Variants in USP30 observed in about 807,000 individuals in gnomAD.
The protein encoded by USP30 is ubiquitin carboxyl-terminal hydrolase 30.
USP30 carries 41 observed loss-of-function variants against 68.2 expected under a neutral mutation model. The ratio of observed to expected loss-of-function variants is 0.60; its 90% CI spans 0.47 to 0.78. USP30 has a LOEUF of 0.78. Among genes scored for constraint, USP30 ranks in the 30% least tolerant of loss-of-function variants. USP30 has a pLI of 0.00. For synonymous variants in USP30, 229 were observed against 253.7 expected (o/e 0.90, Z 0.93); for missense variants, 522 against 649.4 (o/e 0.80, Z 2.13).
intron 2 of USP30, among the ~76,000 whole-genome samples, chr12:109,026,697 C>T (rs1325962114): frequency 1.3e-5 from 2 of 151,528 alleles, no homozygotes; most frequent in African/African-American, 4.9e-5. Context: ...CAAACTCCTG[C>T]ATTCAAGCCA....
In USP30 at chr12:109,044,988, C is replaced by CT. The variant is rs34418635; in HGVS notation, c.-135-2579dup. Among the ~76,000 whole-genome samples the CT allele has an allele frequency of 9.3e-3, 936 of 100,190 alleles. 14 individuals carry two copies. Among genetic ancestry groups the CT allele is most frequent in the African/African-American group, 0.012 (339 of 27,840 alleles). 65.7% of individuals were successfully genotyped at this position (100,190 alleles called of 152,430 possible). A position where few individuals can be genotyped will look rare whatever the true frequency, so the allele number is the denominator to read the frequency against. On this transcript the variant is annotated intron_variant, in intron 3 of 15. Coordinates refer to the USP30 transcript ENST00000392784. ...TTCATTACCAAGTAAGGTCAAACAT[C>CT]TTTTTTTTTTTTTTTTTTTTTTTCT...
intron 9 of USP30, 112 bp downstream of exon 9, chr12:109,082,131 C>G: frequency 1.2e-5 from 13 of 1,090,546 alleles, no homozygotes; most frequent in Non-Finnish European, 1.8e-5. Context: ...GTCTTTTCAG[C>G]CACTTCTACT....
At chr12:109,064,129 C>T (rs937527941) in intron 3 of USP30, among the ~76,000 whole-genome samples, 1 of 151,874 alleles carries the variant, frequency 6.6e-6, no homozygotes, top group Non-Finnish European at 1.5e-5. Context: ...GTGTCAGGCC[C>T]CCAAAGTGCT....
At chr12:109,065,328 C>T (rs2041214077) in intron 3 of USP30, among the ~76,000 whole-genome samples, 1 of 152,194 alleles carries the variant, frequency 6.6e-6, no homozygotes, top group Non-Finnish European at 1.5e-5. Flanking sequence ...CCAAATCCAG[C>T]CCACCACCTG....
intron 3 of USP30, among the ~76,000 whole-genome samples, chr12:109,066,533 A>C (rs933322123): frequency 6.6e-5 from 10 of 151,970 alleles, no homozygotes; most frequent in Non-Finnish European, 1.5e-4. Flanking sequence ...AAAATACAAA[A>C]ATTAGTCGGG....
At chr12:109,030,330 A>G (rs565432299) in intron 3 of USP30, among the ~76,000 whole-genome samples, 201 of 152,310 alleles carry the variant, frequency 1.3e-3, no homozygotes, top group African/African-American at 4.5e-3. Context: ...AAACAAGATG[A>G]TGGATATTCA....
At chr12:109,079,351 C>T (rs199642467) in intron 7 of USP30, among the ~76,000 whole-genome samples, 15,373 of 48,004 alleles carry the variant, frequency 0.32, 603 homozygotes, top group Non-Finnish European at 0.34. Context: ...TTTTTTTTTT[C>T]TTTTTTTTTT....
intron 3 of USP30, among the ~76,000 whole-genome samples, chr12:109,045,188 A>G (rs2040594497): frequency 1.3e-5 from 2 of 152,258 alleles, no homozygotes; most frequent in African/African-American, 4.8e-5. Context: ...CATGTTGGCC[A>G]GGCTGGTCTT....
chr12:109,083,733 G>C (rs2041870504), intron 11 of USP30, among the ~76,000 whole-genome samples: 1 of 152,046 alleles, frequency 6.6e-6, no homozygotes, highest in African/African-American at 2.4e-5. Context: ...TCACTTGAAG[G>C]GCTCACAGCC....
chr12:109,049,658 C>T (rs75505358), upstream of USP30, among the ~76,000 whole-genome samples: 702 of 151,808 alleles, frequency 4.6e-3, 3 homozygotes, highest in African/African-American at 0.016. Context: ...CTACTAAAAA[C>T]GCTAAAATTA....
chr12:109,050,772 C>A (rs990369884), upstream of USP30, among the ~76,000 whole-genome samples: 3 of 151,788 alleles, frequency 2.0e-5, no homozygotes, highest in African/African-American at 7.3e-5. Flanking sequence ...ACTTTGGGAG[C>A]CCGAGGCGGA....
chr12:109,077,731 C>T (rs901275441), intron 7 of USP30, among the ~76,000 whole-genome samples: 1 of 151,894 alleles, frequency 6.6e-6, no homozygotes, highest in Non-Finnish European at 1.5e-5. Flanking sequence ...TCTGTTCCCC[C>T]TTCACTGGCT....
intron 1 of USP30, among the ~76,000 whole-genome samples, chr12:109,023,402 A>T (rs1358111826): frequency 3.3e-5 from 5 of 151,978 alleles, no homozygotes; most frequent in Non-Finnish European, 5.9e-5. Context: ...GAAAATAAAA[A>T]AACTTAGCCA....
chr12:109,063,773 T>C lies in USP30; in HGVS notation c.377-3751T>C, dbSNP rs11067924. Among the ~76,000 whole-genome samples, 588 of 152,352 alleles carry C rather than the reference T, an allele frequency of 3.9e-3. 2 individuals carry two copies. Among genetic ancestry groups the C allele is most frequent in the Non-Finnish European group, 6.2e-3 (421 of 68,038 alleles). Reference sequence around the variant, plus strand: ...ATTGCTTTAATTTGCATTTCCCTAATGATAAGTTATATTGAGCATCTTTTC... The same window carrying C: ...ATTGCTTTAATTTGCATTTCCCTAACGATAAGTTATATTGAGCATCTTTTC... On this transcript the variant is annotated intron_variant, in intron 3 of 12. Coordinates refer to ENST00000257548, the MANE Select transcript of USP30 (RefSeq NM_032663.5).
chr12:109,058,292 C>T (rs1264754823), intron 3 of USP30, among the ~76,000 whole-genome samples, 184 bp downstream of exon 3: 4 of 152,002 alleles, frequency 2.6e-5, no homozygotes, highest in South Asian at 2.1e-4. Flanking sequence ...AGATGGAGGC[C>T]GGGTGCAGTG....
chr12:109,049,759 T>C (rs867766810), upstream of USP30, among the ~76,000 whole-genome samples: 52 of 151,910 alleles, frequency 3.4e-4, no homozygotes, highest in Middle Eastern at 0.01. Context: ...GAGGTTGCAG[T>C]GAGCCAAGAT....
In USP30 at chr12:109,055,406, T is replaced by A. The variant is rs1458885457; in HGVS notation, c.84-1276T>A. The stretch of plus-strand genomic sequence containing the variant: ...TATATATATATATATATATATTTTT[T>A]TTTTTTTTTTTTTTGAGGCAGAGTC... On this transcript the variant is annotated intron_variant, in intron 1 of 12. Coordinates refer to ENST00000257548, the MANE Select transcript of USP30 (RefSeq NM_032663.5). 3.7e-3 allele frequency among the ~76,000 whole-genome samples: 131 copies of A among 35,002 alleles called. 3 individuals carry two copies. The highest frequency in any genetic ancestry group is 9.6e-3 in the South Asian group (8 of 834). The allele number at this position is 35,002 out of a possible 152,430, so 23.0% of individuals were successfully genotyped here.
In USP30 at chr12:109,057,984, A is replaced by G; in HGVS notation, c.252A>G (p.Gln84=). The G allele has an allele frequency of 1.2e-6, 2 of 1,614,096 alleles. No individual in the cohort carries two copies. The highest frequency in any genetic ancestry group is 1.7e-6 in the Non-Finnish European group (2 of 1,180,018). Reference sequence around the variant, plus strand: ...CCTGCTTCATGAACTCCCTGCTACAAGGCCTGTCTGCCTGTCCTGCTTTCA... The same window carrying G: ...CCTGCTTCATGAACTCCCTGCTACAGGGCCTGTCTGCCTGTCCTGCTTTCA... ...GNTCFMNSLL[Q]GLSACPAFIR... Residue 84 remains glutamine, a synonymous_variant, in exon 3 of 13, where the codon CAA becomes CAG. Coordinates refer to ENST00000257548, the MANE Select transcript of USP30 (RefSeq NM_032663.5).
At chr12:109,051,102 G>A (rs2040662806), upstream of USP30, among the ~76,000 whole-genome samples, 2 of 152,086 alleles carry the variant, frequency 1.3e-5, no homozygotes, top group Non-Finnish European at 2.9e-5. Context: ...TGTTGCCCAG[G>A]TGGCCTTGGA....
Sources: allele counts gnomAD v4.1 joint callset (sites outside exome capture counted in the v4.1 genomes callset), GRCh38; gene constraint gnomAD v4.1.1; transcripts MANE v1.5; gene names NCBI Gene and HGNC (gene_info 2026-07-23, HGNC 2026-07-21).